Variants in NAGK observed in about 807,000 individuals in gnomAD.
The protein encoded by NAGK is N-acetylglucosamine kinase.
In NAGK, 35 loss-of-function variants were observed where a neutral mutation model predicts 42.9. The observed-to-expected ratio is 0.82, with a 90% CI of 0.62 to 1.08. The LOEUF (loss-of-function observed/expected upper bound fraction) is 1.08. Among genes scored for constraint, NAGK ranks in the 50% least tolerant of loss-of-function variants. The probability of loss-of-function intolerance (pLI) is 0.00; values close to 1 mark genes in which losing one functional copy is unlikely to be tolerated. For synonymous variants in NAGK, 172 were observed against 176.0 expected, an observed-to-expected ratio of 0.98 and a Z score of 0.18; for missense variants, 446 against 446.0, an observed-to-expected ratio of 1.00 and a Z score of 0.00.
intron 8 of NAGK, 146 bp from the exon 9 acceptor site, chr2:71,077,412 T>TC (rs1180460644): frequency 2.8e-6 from 2 of 718,640 alleles, no homozygotes; most frequent in Non-Finnish European, 4.7e-6. Flanking sequence ...TCCTCCCTTT[T>TC]TTTTTCCCCT....
chr2:71,078,675 C>A lies in NAGK; in HGVS notation c.*167C>A. ...CATTATCAAACACATGTGCTATGTA[C>A]ATCCTCAGTGCACCTGCCAGCAGAT... is the stretch of plus-strand genomic sequence containing the variant. On this transcript the variant is annotated 3_prime_UTR_variant, in exon 10 of 10. Transcript: ENST00000244204. 1.2e-6 allele frequency: 1 copy of A among 808,176 alleles called. No individual in the cohort carries two copies. The allele number at this position is 808,176 out of a possible 1,614,324, so 50.1% of individuals were successfully genotyped here.
rs777498291 is a variant in NAGK at position 71,073,565 on chromosome 2, G to A, written c.550G>A (p.Val184Ile). 2.1e-5 allele frequency: 34 copies of A among 1,613,766 alleles called. No homozygotes were observed. Among genetic ancestry groups the A allele is most frequent in the Middle Eastern group, 1.6e-4 (1 of 6,084 alleles). The change falls in exon 6 of 10, where the codon GTC becomes ATC. Residue 184 changes from valine to isoleucine, a missense_variant. Physicochemically the swap from Val to Ile is conservative, Grantham distance 29. Coordinates refer to ENST00000244204, the MANE Select transcript of NAGK (RefSeq NM_017567.6). ...GGCGGCTCCTCATGATATCGGCTAC[G>A]TCAAACAGGCCATGTTCCACTATTT... is the stretch of plus-strand genomic sequence containing the variant. Reference protein sequence around the residue: ...LEAAPHDIGYVKQAMFHYFQV... With the variant: ...LEAAPHDIGYIKQAMFHYFQV...
chr2:71,071,005 C>T, intron 3 of NAGK, 166 bp downstream of exon 3: 1 of 679,960 alleles, frequency 1.5e-6, no homozygotes, highest in Admixed American at 2.5e-5. Flanking sequence ...TCAGTTGCCA[C>T]CTACAAACTA....
In NAGK at chr2:71,078,352, C is replaced by G. The variant is rs766839837; in HGVS notation, c.879C>G (p.Ile293Met). ...FLLALTQGRE[I>M]QAQNFFSSFT... Reference sequence around the variant, plus strand: ...TGGCGCTGACCCAGGGCAGAGAGATCCAGGCTCAGAACTTCTTCTCCAGCT... The same window carrying G: ...TGGCGCTGACCCAGGGCAGAGAGATGCAGGCTCAGAACTTCTTCTCCAGCT... Residue 293 changes from isoleucine (I) to methionine (M), a missense_variant, in exon 10 of 10, where the codon ATC (isoleucine) becomes ATG (methionine). Transcript: ENST00000244204. The G allele has an allele frequency of 2.7e-5, 44 of 1,614,210 alleles. No individual in the cohort carries two copies. In the East Asian group the frequency reaches 6.2e-4, roughly 23 times the overall value.
Position 71,071,737 on chromosome 2 carries a change from G to A in NAGK, c.265G>A (p.Glu89Lys), listed in dbSNP as rs775681499. The stretch of plus-strand genomic sequence containing the variant: ...GGAGGACGCGGGGAGGATCCTGATC[G>A]AGGAGCTGAGGGACCGATTTCCCTA... ...DQEDAGRILI[E>K]ELRDRFPYLS... The change falls in exon 4 of 10, where the codon GAG (glutamate) becomes AAG (lysine). Residue 89 changes from glutamate to lysine, a missense_variant. By Grantham distance (56) the Glu-to-Lys change is moderately conservative (BLOSUM62 1). Coordinates refer to ENST00000244204, the MANE Select transcript of NAGK (RefSeq NM_017567.6). 7 of 1,614,126 alleles carry A rather than the reference G, an allele frequency of 4.3e-6. No homozygotes were observed. The highest frequency in any genetic ancestry group is 2.2e-5 in the East Asian group (1 of 44,892).
intron 9 of NAGK, 72 bp from the exon 10 acceptor site, chr2:71,078,246 C>T (rs536497866): frequency 3.3e-6 from 5 of 1,493,274 alleles, no homozygotes; most frequent in Middle Eastern, 1.7e-4. Context: ...GCGTCCTTGT[C>T]TGTCTTCCTT....
At chr2:71,071,514 TA>T in intron 3 of NAGK, 171 bp from the exon 4 acceptor site, 2 of 913,748 alleles carry the variant, frequency 2.2e-6, no homozygotes, top group Non-Finnish European at 3.2e-6. Context: ...GTTGTTCTTA[TA>T]ACCACAGCCT....
chr2:71,075,115 G>C (rs1359893740), intron 6 of NAGK: 3 of 155,892 alleles, frequency 1.9e-5, no homozygotes, highest in Admixed American at 1.9e-4. Flanking sequence ...CCCCAAGGGA[G>C]AGTTACAATA....
At position 71,070,496 on chromosome 2, in the gene NAGK, C is replaced by T. The variant is rs775910621; in HGVS notation, c.30-6C>T. On this transcript the variant is annotated splice_polypyrimidine_tract_variant and splice_region_variant and intron_variant, in intron 1 of 9. Coordinates refer to ENST00000244204, the MANE Select transcript of NAGK (RefSeq NM_017567.6). ...GCAAGATCAAGTGCCCTCTTGTGTT[C>T]TGTAGGGGAGGCACACGATCCGAGG... is the stretch of plus-strand genomic sequence containing the variant. 2.5e-6 allele frequency: 4 copies of T among 1,612,858 alleles called. No individual in the cohort carries two copies. The highest frequency in any genetic ancestry group is 2.5e-6 in the Non-Finnish European group (3 of 1,179,198).
At chr2:71,073,303 C>A in intron 5 of NAGK, 179 bp from the exon 6 acceptor site, 1 of 612,106 alleles carries the variant, frequency 1.6e-6, no homozygotes, top group Non-Finnish European at 2.9e-6. Flanking sequence ...CAGTCAGATA[C>A]AGTTTGATAG....
At chr2:71,072,834 C>T in intron 5 of NAGK, 83 bp downstream of exon 5, 1 of 1,309,832 alleles carries the variant, frequency 7.6e-7, no homozygotes, top group Non-Finnish European at 1.1e-6. Context: ...AGCCTTGGCT[C>T]ACTGAGCCCT....
At chr2:71,077,353 G>A (rs903687687) in intron 8 of NAGK, among the ~76,000 whole-genome samples, 3 of 151,914 alleles carry the variant, frequency 2.0e-5, no homozygotes, top group Admixed American at 6.6e-5. Context: ...GTTGCTTAAC[G>A]CTTTTTCCTT....
chr2:71,074,488 T>C (rs1427754001), intron 6 of NAGK: 2 of 152,332 alleles, frequency 1.3e-5, no homozygotes, highest in African/African-American at 4.8e-5. Flanking sequence ...ATAGGTCTAC[T>C]GCTCCCTCTT....
chr2:71,072,488 G>T (rs1672052937), intron 4 of NAGK, 153 bp from the exon 5 acceptor site: 2 of 608,852 alleles, frequency 3.3e-6, no homozygotes, highest in African/African-American at 1.8e-5. Context: ...TCACCCTCAG[G>T]CAGGAAACTA....
In NAGK at chr2:71,068,673, G is replaced by C; in HGVS notation, c.-11G>C. ...GCAAACGGCGGGACCAGCAGCGACG[G>C]TAGCAGCAGCATGGCCGCGATCTAT... On this transcript the variant is annotated 5_prime_UTR_variant, in exon 1 of 10. Coordinates refer to ENST00000244204, the MANE Select transcript of NAGK (RefSeq NM_017567.6). 1 of 1,520,374 alleles carries C rather than the reference G, an allele frequency of 6.6e-7. No homozygotes were observed. The highest frequency in any genetic ancestry group is 8.8e-7 in the Non-Finnish European group (1 of 1,133,986). The allele number at this position is 1,520,374 out of a possible 1,614,324, so 94.2% of individuals were successfully genotyped here.
Position 71,071,682 on chromosome 2 carries a change from C to T in NAGK, c.214-4C>T, listed in dbSNP as rs1419349226. ...CACACTCGCTCACCTCCCGCGTGGCCTAGGGCCTATCTCTGAGCGGTGGGG... is the reference window on the plus strand; with the variant it reads ...CACACTCGCTCACCTCCCGCGTGGCTTAGGGCCTATCTCTGAGCGGTGGGG... On this transcript the variant is annotated splice_region_variant and splice_polypyrimidine_tract_variant and intron_variant, in intron 3 of 9. Coordinates refer to ENST00000244204, the MANE Select transcript of NAGK (RefSeq NM_017567.6). The T allele has an allele frequency of 6.2e-7, 1 of 1,612,014 alleles. No homozygotes were observed.
rs759603866 is a variant in NAGK, at chr2:71,071,685, G to A, written c.214-1G>A. The A allele has an allele frequency of 3.7e-6, 6 of 1,612,548 alleles. No individual in the cohort carries two copies. Among genetic ancestry groups the A allele is most frequent in the Admixed American group, 3.3e-5 (2 of 59,894 alleles). ...ACTCGCTCACCTCCCGCGTGGCCTA[G>A]GGCCTATCTCTGAGCGGTGGGGACC... On this transcript the variant is annotated splice_acceptor_variant, in intron 3 of 9. Coordinates refer to ENST00000244204, the MANE Select transcript of NAGK (RefSeq NM_017567.6). LOFTEE classifies it high-confidence loss of function.
At chr2:71,072,932 C>T (rs1672076668) in intron 5 of NAGK, 181 bp downstream of exon 5, 1 of 663,604 alleles carries the variant, frequency 1.5e-6, no homozygotes, top group African/African-American at 1.8e-5. Flanking sequence ...GCTGGACGAG[C>T]TGCTGACCCT....
chr2:71,077,623 G>C lies in NAGK; in HGVS notation c.831G>C (p.Glu277Asp), dbSNP rs1243516382. 6.2e-7 allele frequency: 1 copy of C among 1,606,862 alleles called. No homozygotes were observed. The highest frequency in any genetic ancestry group is 1.3e-5 in the African/African-American group (1 of 74,856). ...LCVGSVWKSWELLKEGFLLAL... is the reference protein window; with the variant it reads ...LCVGSVWKSWDLLKEGFLLAL... ...TGGGCTCTGTGTGGAAGAGCTGGGA[G>C]CTGCTGAAGGAAGGTGAGCCTGGGG... Residue 277 changes from glutamate to aspartate, a missense_variant, in exon 9 of 10, where the codon GAG becomes GAC. Coordinates refer to ENST00000244204, the MANE Select transcript of NAGK (RefSeq NM_017567.6).
Sources: allele counts gnomAD v4.1 joint callset (sites outside exome capture counted in the v4.1 genomes callset), GRCh38; gene constraint gnomAD v4.1.1; transcripts MANE v1.5; gene names NCBI Gene and HGNC (gene_info 2026-07-23, HGNC 2026-07-21).